CRPPA: variants seen among roughly 807,000 people sequenced by gnomAD.
CRPPA encodes the protein D-ribitol-5-phosphate cytidylyltransferase.
CRPPA carries 43 observed loss-of-function variants against 52.0 expected under a neutral mutation model. The ratio of observed to expected loss-of-function variants is 0.83; its 90% CI spans 0.65 to 1.07. CRPPA has a LOEUF of 1.07. Among genes scored for constraint, CRPPA ranks in the 50% least tolerant of loss-of-function variants. CRPPA has a pLI of 0.00. For synonymous variants in CRPPA, 250 were observed against 203.5 expected, an observed-to-expected ratio of 1.23 and a Z score of -1.94; for missense variants, 629 against 551.7, an observed-to-expected ratio of 1.14 and a Z score of -1.40.
intron 3 of CRPPA, among the ~76,000 whole-genome samples, chr7:16,341,622 T>G (rs1483266472): frequency 6.6e-6 from 1 of 152,138 alleles, no homozygotes; most frequent in Admixed American, 6.5e-5. Flanking sequence ...ACATATTAGG[T>G]GGGGAAATGC....
intron 2 of CRPPA, among the ~76,000 whole-genome samples, chr7:16,391,140 T>C (rs958668815): frequency 2.0e-5 from 3 of 152,132 alleles, no homozygotes; most frequent in Non-Finnish European, 4.4e-5. Context: ...ATACCTCTAC[T>C]GCAACAAATT....
At chr7:16,104,095 ATAGT>A (rs951010591) in intron 9 of CRPPA, among the ~76,000 whole-genome samples, 1 of 152,182 alleles carries the variant, frequency 6.6e-6, no homozygotes, top group Admixed American at 6.5e-5. Flanking sequence ...TAATGGGTAG[ATAGT>A]TAGTATCCAA....
chr7:16,200,952 T>A (rs1441885351), intron 9 of CRPPA, among the ~76,000 whole-genome samples: 2 of 152,230 alleles, frequency 1.3e-5, no homozygotes, highest in African/African-American at 4.8e-5. Context: ...TGTTCATTTA[T>A]GTTATTTTTT....
At chr7:16,286,345 C>T (rs1784448357) in intron 5 of CRPPA, among the ~76,000 whole-genome samples, 1 of 151,650 alleles carries the variant, frequency 6.6e-6, no homozygotes, top group Non-Finnish European at 1.5e-5. Context: ...GACATCCACT[C>T]TTCAGATTTT....
At chr7:16,403,530 C>T (rs1449338774) in intron 2 of CRPPA, among the ~76,000 whole-genome samples, 1 of 151,970 alleles carries the variant, frequency 6.6e-6, no homozygotes, top group Non-Finnish European at 1.5e-5. Flanking sequence ...TAGGTAGAAC[C>T]TGAAAATTAA....
intron 9 of CRPPA, among the ~76,000 whole-genome samples, chr7:16,099,106 A>T (rs1289318852): frequency 6.6e-6 from 1 of 151,984 alleles, no homozygotes; most frequent in Non-Finnish European, 1.5e-5. Flanking sequence ...AGGATTGGGA[A>T]GCCAGGTGCC....
chr7:16,395,973 C>T (rs1200786067), intron 2 of CRPPA, among the ~76,000 whole-genome samples: 1 of 152,180 alleles, frequency 6.6e-6, no homozygotes, highest in African/African-American at 2.4e-5. Flanking sequence ...ATTCCCATAG[C>T]ACCTCAGAGA....
intron 6 of CRPPA, among the ~76,000 whole-genome samples, chr7:16,272,817 C>A (rs1583484183): frequency 6.6e-6 from 1 of 152,168 alleles, no homozygotes; most frequent in Middle Eastern, 3.4e-3. Context: ...CATCTATATT[C>A]ACTATTGACA....
At chr7:16,380,056 C>T (rs1787034369) in intron 2 of CRPPA, among the ~76,000 whole-genome samples, 1 of 151,060 alleles carries the variant, frequency 6.6e-6, no homozygotes, top group African/African-American at 2.4e-5. Flanking sequence ...GAGGGCATCC[C>T]TGTCTTGTGC....
At chr7:16,263,572 T>G (rs908084294) in intron 6 of CRPPA, among the ~76,000 whole-genome samples, 7 of 152,034 alleles carry the variant, frequency 4.6e-5, no homozygotes, top group African/African-American at 1.7e-4. Context: ...GCCAAGATGG[T>G]GAAACCCCCG....
At chr7:16,299,680 GC>G (rs1255916929) in intron 5 of CRPPA, among the ~76,000 whole-genome samples, 2 of 152,130 alleles carry the variant, frequency 1.3e-5, no homozygotes, top group Non-Finnish European at 2.9e-5. Flanking sequence ...TTTACACTAG[GC>G]AGGTCAGATT....
At chr7:16,329,905 A>G (rs571863052) in intron 3 of CRPPA, among the ~76,000 whole-genome samples, 2 of 152,260 alleles carry the variant, frequency 1.3e-5, no homozygotes, top group African/African-American at 4.8e-5. Flanking sequence ...GTGATTTTCA[A>G]ATCCAATTAG....
intron 9 of CRPPA, among the ~76,000 whole-genome samples, chr7:16,101,183 G>A (rs1334004615): frequency 2.0e-5 from 3 of 152,236 alleles, no homozygotes; most frequent in South Asian, 4.1e-4. Flanking sequence ...CAGTTAGGGA[G>A]GAATCTCTCT....
chr7:16,115,672 G>A (rs1332668266), intron 9 of CRPPA, among the ~76,000 whole-genome samples: 4 of 152,142 alleles, frequency 2.6e-5, no homozygotes, highest in African/African-American at 9.7e-5. Context: ...AGAATAAGAT[G>A]AGTCTGAAAT....
intron 9 of CRPPA, among the ~76,000 whole-genome samples, chr7:16,168,534 AACACAC>A (rs61189058): frequency 0.38 from 54,087 of 143,056 alleles, 10,844 homozygotes; most frequent in South Asian, 0.52. Context: ...AGTGAAGTAA[AACACAC>A]ACACACACAC....
rs548150343 is a variant in CRPPA, at chr7:16,331,479, A to G, written c.685-22852T>C. On this transcript the variant is annotated intron_variant, in intron 3 of 9. Coordinates refer to ENST00000407010, the MANE Select transcript of CRPPA (RefSeq NM_001101426.4). ...AAATTACAAGGCATATTAGAAGGCC[A>G]AAAAACACAGAAACCAGCTTAAATA... is the stretch of plus-strand genomic sequence containing the variant. Among the ~76,000 whole-genome samples the G allele has an allele frequency of 5.3e-5, 8 of 152,322 alleles. No individual in the cohort carries two copies. In the South Asian group the frequency reaches 6.2e-4, roughly 12 times the overall value.
chr7:16,092,314 G>A (rs566830232), intron 9 of CRPPA, among the ~76,000 whole-genome samples: 20 of 152,274 alleles, frequency 1.3e-4, no homozygotes, highest in African/African-American at 3.9e-4. Context: ...CATATTGCCT[G>A]TAAGAATCCA....
chr7:16,419,853 A>AT (rs1385076184), intron 1 of CRPPA, among the ~76,000 whole-genome samples: 1 of 152,138 alleles, frequency 6.6e-6, no homozygotes, highest in Non-Finnish European at 1.5e-5. Context: ...TTGAGTAATA[A>AT]TTTTTGAGTA....
intron 6 of CRPPA, among the ~76,000 whole-genome samples, 189 bp from the exon 7 acceptor site, chr7:16,259,201 G>A (rs887511192): frequency 1.5e-4 from 23 of 152,046 alleles, no homozygotes; most frequent in African/African-American, 5.5e-4. Flanking sequence ...TATGAATAAT[G>A]CATATTTTAG....
Sources: allele counts gnomAD v4.1 joint callset (sites outside exome capture counted in the v4.1 genomes callset), GRCh38; gene constraint gnomAD v4.1.1; transcripts MANE v1.5; gene names NCBI Gene and HGNC (gene_info 2026-07-23, HGNC 2026-07-21).